DRC9: variants seen among roughly 807,000 people sequenced by gnomAD.
DRC9 encodes dynein regulatory complex protein 9.
the DRC9 span, chr3:197,952,619 G>C: frequency 6.6e-6 from 1 of 151,720 alleles, no homozygotes; most frequent in Non-Finnish European, 1.5e-5. Flanking sequence ...CTCAGCCTCC[G>C]AGTGAGGTGG....
At chr3:197,938,877 A>T in the DRC9 span, 1 of 873,624 alleles carries the variant, frequency 1.1e-6, no homozygotes, top group South Asian at 1.6e-5. Context: ...ATCTTCTCTG[A>T]CTTCTACTCT....
At chr3:197,945,860 T>C in the DRC9 span, among the ~76,000 whole-genome samples, 3 of 152,146 alleles carry the variant, frequency 2.0e-5, no homozygotes, top group African/African-American at 7.2e-5. Flanking sequence ...CATCATGGAG[T>C]GCAGGTCTAT....
chr3:197,900,119 C>T, the DRC9 span, among the ~76,000 whole-genome samples: 2 of 152,206 alleles, frequency 1.3e-5, no homozygotes, highest in Non-Finnish European at 2.9e-5. This position sits in a 1 kb window ranked among gnomAD's most constrained non-coding sequence, Gnocchi z 4.7. Flanking sequence ...GCAGTGGGAC[C>T]CGAGTCCCAG....
the DRC9 span, among the ~76,000 whole-genome samples, chr3:197,924,472 TCCAAACA>T: frequency 6.6e-6 from 1 of 152,246 alleles, no homozygotes; most frequent in Non-Finnish European, 1.5e-5. Context: ...CATAAACTTG[TCCAAACA>T]GCTGGTCAGT....
the DRC9 span, among the ~76,000 whole-genome samples, chr3:197,943,458 A>C: frequency 6.6e-6 from 1 of 152,126 alleles, no homozygotes; most frequent in Non-Finnish European, 1.5e-5. Context: ...CAACATAGTG[A>C]GATCCCATCT....
At chr3:197,951,298 T>C in the DRC9 span, 1 of 1,613,956 alleles carries the variant, frequency 6.2e-7, no homozygotes, top group Non-Finnish European at 8.5e-7. Context: ...CGCTTATGTA[T>C]ATAAAGCAAA....
At chr3:197,892,682 A>C in the DRC9 span, 2 of 1,614,036 alleles carry the variant, frequency 1.2e-6, no homozygotes, top group Non-Finnish European at 1.7e-6. Context: ...TGGCTTTGAG[A>C]GCATTTAGTT....
chr3:197,926,796 G>A, the DRC9 span, among the ~76,000 whole-genome samples: 4 of 152,120 alleles, frequency 2.6e-5, no homozygotes, highest in Non-Finnish European at 5.9e-5. Context: ...AAACACAGCC[G>A]TGTCTTCCAG....
chr3:197,938,747 G>A, the DRC9 span: 148 of 1,613,658 alleles, frequency 9.2e-5, no homozygotes, highest in African/African-American at 1.8e-3. Flanking sequence ...AGTTTGTCTA[G>A]ATTCGTTCCT....
At chr3:197,892,489 G>T in the DRC9 span, 1 of 1,041,560 alleles carries the variant, frequency 9.6e-7, no homozygotes, top group Non-Finnish European at 1.4e-6. Context: ...TGGCCTATTT[G>T]CCACTCCTTC....
chr3:197,958,593 A>G, the DRC9 span: 2 of 152,170 alleles, frequency 1.3e-5, no homozygotes, highest in Non-Finnish European at 2.9e-5. Context: ...GCATATGGAG[A>G]AGTGGATGGT....
the DRC9 span, among the ~76,000 whole-genome samples, chr3:197,899,275 A>G: frequency 6.6e-6 from 1 of 152,212 alleles, no homozygotes; most frequent in Admixed American, 6.5e-5. Context: ...CATAATAATA[A>G]TCTGGTTTGT....
chr3:197,935,812 G>A, the DRC9 span, among the ~76,000 whole-genome samples: 4 of 152,042 alleles, frequency 2.6e-5, no homozygotes. Flanking sequence ...GACCATTCAC[G>A]TTATAGTCTC....
At chr3:197,938,360 T>C in the DRC9 span, among the ~76,000 whole-genome samples, 146 of 151,908 alleles carry the variant, frequency 9.6e-4, no homozygotes, top group African/African-American at 3.3e-3. Context: ...CAATATCATA[T>C]AGCTGCCTTG....
the DRC9 span, among the ~76,000 whole-genome samples, chr3:197,909,015 C>A: frequency 1.5e-4 from 23 of 152,368 alleles, no homozygotes; most frequent in African/African-American, 4.8e-4. Context: ...TCCTCAGACA[C>A]AGGAGGGCAG....
the DRC9 span, chr3:197,912,593 C>CTTCAAAAT: frequency 3.0e-6 from 3 of 1,012,772 alleles, no homozygotes; most frequent in Non-Finnish European, 1.5e-6. Flanking sequence ...GTTGGTTTTC[C>CTTCAAAAT]TTCAAAATAT....
the DRC9 span, among the ~76,000 whole-genome samples, chr3:197,927,607 C>A: frequency 1.3e-5 from 2 of 152,158 alleles, no homozygotes; most frequent in African/African-American, 4.8e-5. Flanking sequence ...TTATGTACTT[C>A]CCACTCATAG....
the DRC9 span, chr3:197,955,979 G>C: frequency 1.8e-6 from 1 of 566,308 alleles, no homozygotes; most frequent in South Asian, 1.9e-5. Flanking sequence ...GTTTTAATGC[G>C]AGTATCTTTG....
the DRC9 span, among the ~76,000 whole-genome samples, chr3:197,944,640 T>A: frequency 6.6e-6 from 1 of 151,978 alleles, no homozygotes; most frequent in African/African-American, 2.4e-5. Flanking sequence ...AGTAGAGACG[T>A]GGTTTCACCG....
Sources: allele counts gnomAD v4.1 joint callset (sites outside exome capture counted in the v4.1 genomes callset), GRCh38; gene constraint gnomAD v4.1.1; non-coding constraint Gnocchi (gnomAD v3.1); transcripts MANE v1.5; gene names NCBI Gene and HGNC (gene_info 2026-07-23, HGNC 2026-07-21).